ANAPC7: variants seen among roughly 807,000 people sequenced by gnomAD.
ANAPC7 encodes the protein anaphase-promoting complex subunit 7.
In ANAPC7, 25 loss-of-function variants were observed where a neutral mutation model predicts 63.3. The observed-to-expected ratio is 0.39, with a 90% CI of 0.29 to 0.55. The LOEUF is 0.55. ANAPC7 is among the 20% of genes least tolerant of loss of function. ANAPC7 has a pLI of 0.57. For missense variants in ANAPC7, 516 were observed against 691.7 expected (o/e 0.75, Z 2.85); for synonymous variants, 241 against 251.7 (o/e 0.96, Z 0.40).
intron 3 of ANAPC7, among the ~76,000 whole-genome samples, chr12:110,391,209 G>A (rs772869804): frequency 6.6e-6 from 1 of 151,940 alleles, no homozygotes; most frequent in South Asian, 2.1e-4. Context: ...AACAAAAAAA[G>A]TCAACTATTT....
chr12:110,391,925 C>A (rs762539545), intron 3 of ANAPC7, among the ~76,000 whole-genome samples: 27 of 151,866 alleles, frequency 1.8e-4, no homozygotes, highest in Non-Finnish European at 3.5e-4. Context: ...AACCCCGTCT[C>A]CACTAAAATG....
chr12:110,402,750 T>C (rs1283136387), intron 1 of ANAPC7, among the ~76,000 whole-genome samples: 1 of 152,048 alleles, frequency 6.6e-6, no homozygotes, highest in Non-Finnish European at 1.5e-5. Context: ...CGTTTCCTTT[T>C]TTTGAGACAG....
chr12:110,395,262 C>A, intron 2 of ANAPC7, 42 bp from the exon 3 acceptor site: 1 of 1,568,886 alleles, frequency 6.4e-7, no homozygotes. Flanking sequence ...GTTATTCCAA[C>A]AATATGACAG....
At position 110,374,261 on chromosome 12, in the gene ANAPC7, G is replaced by A. The variant is rs1256828461; in HGVS notation, c.1581C>T (p.Ala527=). 29 of 1,614,118 alleles carry A rather than the reference G, an allele frequency of 1.8e-5. No homozygotes were observed. The highest frequency in any genetic ancestry group is 2.4e-5 in the Non-Finnish European group (28 of 1,180,020). The change falls in exon 11 of 11, where the codon GCC becomes GCT. Residue 527 remains alanine, a synonymous_variant. Coordinates refer to ENST00000455511, the MANE Select transcript of ANAPC7 (RefSeq NM_016238.3). ...TGTCGTCCACATCCTCCTCCTGAGT[G>A]GCATCCGTGGGACTCTCCTCCTTCT... ...KMEKEESPTD[A]TQEEDVDDME...
At chr12:110,403,406 C>T (rs2062262226) in intron 1 of ANAPC7, 121 bp downstream of exon 1, 4 of 1,142,890 alleles carry the variant, frequency 3.5e-6, no homozygotes, top group Non-Finnish European at 5.0e-6. Flanking sequence ...TCGCAGACCC[C>T]GGAGCCTCCG....
rs562299304 is a variant in ANAPC7 at position 110,397,007 on chromosome 12, T to G, written c.102-555A>C. Among the ~76,000 whole-genome samples the G allele has an allele frequency of 6.9e-3, 1,042 of 150,646 alleles. 1 individual carries two copies. The highest frequency in any genetic ancestry group is 9.4e-3 in the Non-Finnish European group (639 of 67,650). On this transcript the variant is annotated intron_variant, in intron 1 of 10. Transcript: ENST00000455511. ...TCTCGAGGTCAGGAGATCGAGACCA[T>G]CCTGGCTAACGCGGTGAAACCCCAT...
At chr12:110,390,235 AT>A (rs905560550) in intron 3 of ANAPC7, among the ~76,000 whole-genome samples, 27 of 149,092 alleles carry the variant, frequency 1.8e-4, no homozygotes, top group Admixed American at 1.2e-3. Flanking sequence ...CGCCCAGCTA[AT>A]TTTTTTTTTG....
chr12:110,397,725 G>C (rs533891371), intron 1 of ANAPC7, among the ~76,000 whole-genome samples: 2 of 151,880 alleles, frequency 1.3e-5, no homozygotes. Flanking sequence ...TGGTGAAACC[G>C]TCTCTACTAA....
chr12:110,399,522 G>A (rs1290877455), intron 1 of ANAPC7, among the ~76,000 whole-genome samples: 1 of 151,886 alleles, frequency 6.6e-6, no homozygotes, highest in Non-Finnish European at 1.5e-5. Flanking sequence ...GACAATTGGA[G>A]AGTGATTACT....
At chr12:110,382,200 G>T (rs1174706551) in intron 7 of ANAPC7, among the ~76,000 whole-genome samples, 3 of 151,118 alleles carry the variant, frequency 2.0e-5, no homozygotes, top group African/African-American at 7.3e-5. Flanking sequence ...CTGGATATTA[G>T]TTATTAGCAG....
intron 5 of ANAPC7, chr12:110,387,433 C>CAGAGAGAGAGAG (rs1882709842): frequency 2.5e-5 from 1 of 40,284 alleles, no homozygotes; most frequent in Non-Finnish European, 4.4e-5. Context: ...GAGAGAGAGA[C>CAGAGAGAGAGAG]CGACCTTGTC....
chr12:110,380,357 A>G (rs1881704107), intron 8 of ANAPC7, among the ~76,000 whole-genome samples: 2 of 150,864 alleles, frequency 1.3e-5, no homozygotes, highest in South Asian at 4.2e-4. Flanking sequence ...TCTCAAATAA[A>G]AATAAAAAAA....
intron 8 of ANAPC7, chr12:110,378,662 T>C (rs1393154083): frequency 1.3e-5 from 2 of 152,058 alleles, no homozygotes; most frequent in Non-Finnish European, 2.9e-5. Context: ...TTCATGCCAG[T>C]AAGTTGAGGA....
intron 7 of ANAPC7, among the ~76,000 whole-genome samples, chr12:110,382,464 A>ATATATATATATATG (rs1882011398): frequency 6.2e-5 from 5 of 80,712 alleles, no homozygotes; most frequent in African/African-American, 2.3e-4. Flanking sequence ...AAAAAAAAAT[A>ATATATATATATATG]TATATATATA....
intron 3 of ANAPC7, among the ~76,000 whole-genome samples, chr12:110,390,363 C>A (rs1221595840): frequency 6.6e-6 from 1 of 152,072 alleles, no homozygotes; most frequent in Admixed American, 6.6e-5. Flanking sequence ...CGTGAGCCAC[C>A]GTGTCTGGCA....
intron 1 of ANAPC7, 58 bp from the exon 2 acceptor site, chr12:110,396,510 C>A: frequency 7.3e-7 from 1 of 1,373,200 alleles, no homozygotes; most frequent in Non-Finnish European, 9.8e-7. Context: ...CAAGCTCCCC[C>A]AGCTTCTTTT....
At chr12:110,392,551 A>C (rs764028219) in intron 3 of ANAPC7, among the ~76,000 whole-genome samples, 4 of 152,186 alleles carry the variant, frequency 2.6e-5, no homozygotes, top group Admixed American at 6.5e-5. Flanking sequence ...GTTGCACAAA[A>C]CAGTTTTTCA....
intron 1 of ANAPC7, among the ~76,000 whole-genome samples, chr12:110,399,020 TTC>T (rs1314777547): frequency 6.6e-6 from 1 of 151,260 alleles, no homozygotes; most frequent in Non-Finnish European, 1.5e-5. Context: ...AGCTGAATAA[TTC>T]TTTTTTTTTT....
At chr12:110,400,591 T>C (rs1338853936) in intron 1 of ANAPC7, among the ~76,000 whole-genome samples, 1 of 152,100 alleles carries the variant, frequency 6.6e-6, no homozygotes, top group African/African-American at 2.4e-5. Flanking sequence ...TAAGAGTAAC[T>C]AGGGCCTAAA....
Sources: gnomAD v4.1 joint callset for allele counts (sites outside exome capture counted in the v4.1 genomes callset) on GRCh38, gnomAD v4.1.1 for gene constraint, MANE v1.5 for transcripts, NCBI Gene and HGNC (gene_info 2026-07-23, HGNC 2026-07-21) for gene names.